Variants in CACNA2D4 observed in about 807,000 individuals in gnomAD.
The protein encoded by CACNA2D4 is voltage-dependent calcium channel subunit alpha-2/delta-4.
In CACNA2D4, 157 loss-of-function variants were observed where a neutral mutation model predicts 163.8. That is an observed-to-expected ratio of 0.96 (90% CI 0.84 to 1.09). The LOEUF is 1.09. Among genes scored for constraint, CACNA2D4 ranks in the 50% least tolerant of loss-of-function variants. The pLI is 0.00. For synonymous variants in CACNA2D4, 598 were observed against 586.9 expected, an observed-to-expected ratio of 1.02 and a Z score of -0.27; for missense variants, 1,410 against 1,479.9, an observed-to-expected ratio of 0.95 and a Z score of 0.78.
At chr12:1,841,700 G>A (rs139196993) in intron 25 of CACNA2D4, among the ~76,000 whole-genome samples, 2 of 152,354 alleles carry the variant, frequency 1.3e-5, no homozygotes, top group East Asian at 3.9e-4. Flanking sequence ...TTGTTAGAAT[G>A]TCTTGATGTC....
At chr12:1,821,930 C>G (rs1864120400) in intron 26 of CACNA2D4, among the ~76,000 whole-genome samples, 1 of 151,938 alleles carries the variant, frequency 6.6e-6, no homozygotes, top group Non-Finnish European at 1.5e-5. Context: ...GACACCCCTG[C>G]AGCTTAGATA....
rs568768529 is a variant in CACNA2D4 at position 1,802,272 on chromosome 12, C to T, written c.2722-628G>A. Among the ~76,000 whole-genome samples, 8 of 152,252 alleles carry T rather than the reference C, an allele frequency of 5.3e-5. No individual in the cohort carries two copies. The highest frequency in any genetic ancestry group is 1.9e-4 in the African/African-American group (8 of 41,536). On this transcript the variant is annotated intron_variant, in intron 29 of 37. Transcript: ENST00000382722. The surrounding 1 kb of genome is among the most constrained non-coding windows in gnomAD (Gnocchi z 4.7). ...GGATCCCTTGCCCTGTCTCCATTGC[C>T]CACCTGCCCTCCTAACTGACCTCTC...
At chr12:1,805,935 G>A (rs1340205723) in intron 29 of CACNA2D4, among the ~76,000 whole-genome samples, 3 of 152,242 alleles carry the variant, frequency 2.0e-5, no homozygotes, top group African/African-American at 7.2e-5. Context: ...AGAGAAACAG[G>A]AGCCGAGGCC....
chr12:1,856,382 A>G (rs1017527982), intron 20 of CACNA2D4, among the ~76,000 whole-genome samples, 153 bp from the exon 21 acceptor site: 13 of 152,226 alleles, frequency 8.5e-5, no homozygotes, highest in African/African-American at 3.1e-4. Flanking sequence ...AACATGGCTA[A>G]GTCTGCACAG....
In CACNA2D4 at chr12:1,828,617, C is replaced by G. The variant is rs1169716442; in HGVS notation, c.2551+12122G>C. 6.6e-6 allele frequency among the ~76,000 whole-genome samples: 1 copy of G among 152,208 alleles called. No individual in the cohort carries two copies. The highest frequency in any genetic ancestry group is 1.9e-4 in the East Asian group (1 of 5,186). On this transcript the variant is annotated intron_variant, in intron 26 of 37. Transcript: ENST00000382722. The surrounding 1 kb of genome is among the most constrained non-coding windows in gnomAD (Gnocchi z 4.2). ...AGACTGCGGCGAGCCCTTTTGCTCCCGTGGGGAACTGCCCCCTTGGCTGGC... is the reference window on the plus strand; with the variant it reads ...AGACTGCGGCGAGCCCTTTTGCTCCGGTGGGGAACTGCCCCCTTGGCTGGC...
chr12:1,807,116 G>A (rs925872211), intron 29 of CACNA2D4, among the ~76,000 whole-genome samples: 5 of 151,982 alleles, frequency 3.3e-5, no homozygotes, highest in South Asian at 2.1e-4. Flanking sequence ...ATGGGGTGTC[G>A]CTTCTGACAT....
intron 37 of CACNA2D4, 119 bp downstream of exon 37, chr12:1,795,180 A>G: frequency 1.3e-6 from 1 of 790,864 alleles, no homozygotes; most frequent in Non-Finnish European, 2.1e-6. Flanking sequence ...CCCGAGAAGC[A>G]CAGGCACAGG....
chr12:1,824,213 G>A (rs1157871938), intron 26 of CACNA2D4, among the ~76,000 whole-genome samples: 2 of 152,176 alleles, frequency 1.3e-5, no homozygotes, highest in Non-Finnish European at 2.9e-5. Context: ...CCTGCTGAGA[G>A]GTGCCCGGCC....
Position 1,918,452 on chromosome 12 carries a change from G to A in CACNA2D4, c.22C>T (p.Leu8Phe), listed in dbSNP as rs758318513. ...GGCCTGGGGTTGGGGAGGGGAAGGA[G>A]GGCAGAGCAGCCACAGACCATGAGC... MVCGCSA[L>F]LPLPNPRPTM... The change falls in exon 1 of 38, where the codon CTC becomes TTC. Residue 8 changes from leucine to phenylalanine, a missense_variant. By Grantham distance (22) the Leu-to-Phe change is conservative. Transcript: ENST00000382722. 25 of 1,571,100 alleles carry A rather than the reference G, an allele frequency of 1.6e-5. No individual in the cohort carries two copies. The highest frequency in any genetic ancestry group is 2.1e-5 in the Non-Finnish European group (24 of 1,157,954).
At chr12:1,900,586 G>T (rs1361283610) in intron 6 of CACNA2D4, among the ~76,000 whole-genome samples, 1 of 152,070 alleles carries the variant, frequency 6.6e-6, no homozygotes, top group African/African-American at 2.4e-5. Context: ...ATATCTTAGG[G>T]CCTAGCAATT....
chr12:1,917,679 G>C lies in CACNA2D4; in HGVS notation c.227+568C>G, dbSNP rs1054545824. 2.6e-5 allele frequency among the ~76,000 whole-genome samples: 4 copies of C among 152,222 alleles called. No homozygotes were observed. Among genetic ancestry groups the C allele is most frequent in the Non-Finnish European group, 4.4e-5 (3 of 68,044 alleles). ...TGGAGCCGGTCTTAATGGCCGGCTA[G>C]AGAATCAAGGTTGGAAGGAGGCAGA... On this transcript the variant is annotated intron_variant, in intron 1 of 37. Coordinates refer to ENST00000382722, the MANE Select transcript of CACNA2D4 (RefSeq NM_172364.5). The surrounding 1 kb of genome is among the most constrained non-coding windows in gnomAD (Gnocchi z 4.3).
At chr12:1,868,280 CAAAG>C (rs1865696887) in intron 18 of CACNA2D4, among the ~76,000 whole-genome samples, 1 of 152,104 alleles carries the variant, frequency 6.6e-6, no homozygotes, top group Non-Finnish European at 1.5e-5. Flanking sequence ...TCAGCCTTAA[CAAAG>C]AAGGAGATTC....
At chr12:1,890,284 A>G (rs1866248303) in intron 6 of CACNA2D4, among the ~76,000 whole-genome samples, 1 of 152,160 alleles carries the variant, frequency 6.6e-6, no homozygotes, top group South Asian at 2.1e-4. Context: ...CGATATCAAG[A>G]GTCCAGACTC....
At chr12:1,899,096 T>A (rs1466247370) in intron 6 of CACNA2D4, among the ~76,000 whole-genome samples, 1 of 152,122 alleles carries the variant, frequency 6.6e-6, no homozygotes, top group Non-Finnish European at 1.5e-5. Context: ...GTTTATATTA[T>A]ATATATTTTG....
intron 32 of CACNA2D4, 118 bp downstream of exon 32, chr12:1,800,268 C>T: frequency 1.7e-6 from 2 of 1,175,468 alleles, no homozygotes; most frequent in Non-Finnish European, 1.3e-6. Flanking sequence ...CCCTCCTTCC[C>T]CGGGGTCTGG....
In CACNA2D4 at chr12:1,834,399, T is replaced by C; in HGVS notation, c.2551+6340A>G. The C allele has an allele frequency of 6.2e-7, 1 of 1,613,042 alleles. No individual in the cohort carries two copies. Among genetic ancestry groups the C allele is most frequent in the African/African-American group, 1.3e-5 (1 of 75,034 alleles). ...GAGAATAGCTCAGCTGGGCTGGATA[T>C]TCCTGGGCCACCCTGCACCAAGGCC... On this transcript the variant is annotated intron_variant, in intron 26 of 37. Coordinates refer to ENST00000382722, the MANE Select transcript of CACNA2D4 (RefSeq NM_172364.5). The surrounding 1 kb of genome is among the most constrained non-coding windows in gnomAD (Gnocchi z 7.6).
intron 30 of CACNA2D4, 140 bp from the exon 31 acceptor site, chr12:1,801,258 C>G: frequency 1.4e-6 from 1 of 717,122 alleles, no homozygotes; most frequent in Middle Eastern, 2.4e-4. Context: ...CAGAATACAG[C>G]TCATGCTGAA....
intron 23 of CACNA2D4, among the ~76,000 whole-genome samples, chr12:1,852,475 G>T (rs946530563): frequency 6.6e-6 from 1 of 152,224 alleles, no homozygotes; most frequent in East Asian, 1.9e-4. Flanking sequence ...TTCAAGACCA[G>T]CCTGAGCAAC....
At chr12:1,797,345 C>T in intron 35 of CACNA2D4, 73 bp downstream of exon 35, 2 of 1,146,584 alleles carry the variant, frequency 1.7e-6, no homozygotes, top group Non-Finnish European at 2.5e-6. Context: ...GTTCCGGGGC[C>T]CTGCCCGCAC....
Sources: gnomAD v4.1 joint callset for allele counts (sites outside exome capture counted in the v4.1 genomes callset) on GRCh38, gnomAD v4.1.1 for gene constraint, Gnocchi (gnomAD v3.1) non-coding constraint, MANE v1.5 for transcripts, NCBI Gene and HGNC (gene_info 2026-07-23, HGNC 2026-07-21) for gene names.